Variants in SCAF11 observed in about 807,000 individuals in gnomAD.
SCAF11 encodes the protein protein SCAF11.
A neutral mutation model predicts 140.5 loss-of-function variants in SCAF11; 47 were observed. That is an observed-to-expected ratio of 0.33 (90% CI 0.26 to 0.43). The LOEUF (loss-of-function observed/expected upper bound fraction) is 0.43, where lower values mean the gene tolerates loss of function less well. Among genes scored for constraint, SCAF11 ranks in the 20% least tolerant of loss-of-function variants. The probability of loss-of-function intolerance (pLI) is 1.00; values close to 1 mark genes in which losing one functional copy is unlikely to be tolerated. For missense variants in SCAF11, 1,645 were observed against 1,705.1 expected (o/e 0.96, Z 0.62); for synonymous variants, 557 against 579.4 (o/e 0.96, Z 0.55).
intron 3 of SCAF11, among the ~76,000 whole-genome samples, chr12:45,959,549 GGAA>G (rs1307773644): frequency 2.6e-5 from 4 of 152,160 alleles, no homozygotes; most frequent in Non-Finnish European, 4.4e-5. Flanking sequence ...GCTTTTAGAT[GGAA>G]GAAGACTGAG....
At chr12:45,966,909 TA>T (rs1448147865) in intron 1 of SCAF11, among the ~76,000 whole-genome samples, 7 of 152,228 alleles carry the variant, frequency 4.6e-5, no homozygotes, top group Admixed American at 2.6e-4. Flanking sequence ...AGGTTGGAGT[TA>T]ACTCAATGTG....
In SCAF11 at chr12:45,927,912, C is replaced by A. The variant is rs1355515079; in HGVS notation, c.1789G>T (p.Asp597Tyr). The A allele has an allele frequency of 4.3e-6, 7 of 1,612,434 alleles. No homozygotes were observed. The East Asian group carries it at 1.6e-4, about 36-fold the overall frequency. Residue 597 changes from aspartate to tyrosine, a missense_variant, in exon 11 of 15, where the codon GAT becomes TAT. By Grantham distance (160) the Asp-to-Tyr change is radical. Transcript: ENST00000369367. ...AGCTCCTCTGTTTTTAGTGTAAAAT[C>A]TTTATGTTCAGTAATTTCTACTAGG... ...SSLVEITEHK[D>Y]FTLKTEELIE...
upstream of SCAF11, chr12:45,990,765 T>C (rs139549576): frequency 4.7e-3 from 931 of 198,450 alleles, 2 homozygotes; most frequent in Non-Finnish European, 6.7e-3. Flanking sequence ...AGGGGGGCGC[T>C]GGCAAACTGC....
chr12:45,956,749 A>T (rs1199923297), intron 3 of SCAF11, among the ~76,000 whole-genome samples: 1 of 152,244 alleles, frequency 6.6e-6, no homozygotes, highest in African/African-American at 2.4e-5. Flanking sequence ...TATCTAGTGT[A>T]AAAACAAGAA....
At chr12:45,932,737 T>C (rs114631126) in intron 9 of SCAF11, among the ~76,000 whole-genome samples, 15 of 152,220 alleles carry the variant, frequency 9.9e-5, no homozygotes, top group African/African-American at 2.4e-4. Flanking sequence ...CTTGATCAAA[T>C]AGTTATTTAG....
chr12:45,924,947 G>A lies in SCAF11; in HGVS notation c.3687C>T (p.Phe1229=). The change falls in exon 12 of 15, where the codon TTC becomes TTT. Residue 1229 remains phenylalanine, a synonymous_variant. Transcript: ENST00000369367. ...MNAQHQPMNI[F]PYPVGVHAPL... ...GAGCATGAACACCCACTGGATATGG[G>A]AAGATATTCATAGGCTGGTGTTGTG... The A allele has an allele frequency of 6.2e-7, 1 of 1,614,162 alleles. No homozygotes were observed. Among genetic ancestry groups the A allele is most frequent in the South Asian group, 1.1e-5 (1 of 91,076 alleles).
In SCAF11 at chr12:45,921,036, G is replaced by A. The variant is rs1258866217; in HGVS notation, c.*1012C>T. The A allele has an allele frequency of 6.6e-6, 1 of 151,922 alleles. No homozygotes were observed. The highest frequency in any genetic ancestry group is 1.5e-5 in the Non-Finnish European group (1 of 68,008). The allele number at this position is 151,922 out of a possible 1,614,324, so 9.4% of individuals were successfully genotyped here. Reference sequence around the variant, plus strand: ...TTGCTCCTGTTGCCCAGGCTGGAGTGCAATGGCATGGTCTCGGCTCACTGC... The same window carrying A: ...TTGCTCCTGTTGCCCAGGCTGGAGTACAATGGCATGGTCTCGGCTCACTGC... On this transcript the variant is annotated 3_prime_UTR_variant, in exon 15 of 15. Transcript: ENST00000369367.
In SCAF11 at chr12:45,927,129, C is replaced by T; in HGVS notation, c.2572G>A (p.Glu858Lys). ...SQSPKKDIAR[E>K]RRQSQSRSPK... Reference sequence around the variant, plus strand: ...GACCGAGACTGAGATTGCCTCCTTTCTCTTGCAATATCCTTTTTTGGGGAC... The same window carrying T: ...GACCGAGACTGAGATTGCCTCCTTTTTCTTGCAATATCCTTTTTTGGGGAC... Residue 858 changes from glutamate (E) to lysine (K), a missense_variant, in exon 11 of 15, where the codon GAA (glutamate) becomes AAA (lysine). Physicochemically the swap from Glu to Lys is moderately conservative, Grantham distance 56. Coordinates refer to ENST00000369367, the MANE Select transcript of SCAF11 (RefSeq NM_004719.3). 2 of 1,614,126 alleles carry T rather than the reference C, an allele frequency of 1.2e-6. No homozygotes were observed. The highest frequency in any genetic ancestry group is 2.2e-5 in the South Asian group (2 of 91,080).
intron 1 of SCAF11, among the ~76,000 whole-genome samples, chr12:45,984,386 A>C (rs1946416151): frequency 6.6e-6 from 1 of 152,026 alleles, no homozygotes; most frequent in Non-Finnish European, 1.5e-5. Flanking sequence ...ACACTATTTG[A>C]CAGTAATTAT....
intron 9 of SCAF11, among the ~76,000 whole-genome samples, chr12:45,932,040 C>CATAT (rs146979342): frequency 2.7e-5 from 4 of 148,940 alleles, no homozygotes; most frequent in African/African-American, 7.4e-5. Flanking sequence ...AAAGTGTGTG[C>CATAT]ATATATATAT....
Position 45,921,815 on chromosome 12 carries a change from A to C in SCAF11, c.*233T>G, listed in dbSNP as rs1944721000. 2.1e-6 allele frequency: 1 copy of C among 484,652 alleles called. No individual in the cohort carries two copies. Among genetic ancestry groups the C allele is most frequent in the African/African-American group, 1.9e-5 (1 of 51,322 alleles). 30.0% of individuals were successfully genotyped at this position (484,652 alleles called of 1,614,324 possible). A position where few individuals can be genotyped will look rare whatever the true frequency, so the allele number is the denominator to read the frequency against. ...CCTAGTAAAGATGCACATTCCTTTA[A>C]ACCCTTTACTTTCCCTTGAATTTTG... On this transcript the variant is annotated 3_prime_UTR_variant, in exon 15 of 15. Coordinates refer to ENST00000369367, the MANE Select transcript of SCAF11 (RefSeq NM_004719.3).
chr12:45,965,996 CCAAT>C (rs1448336031), intron 1 of SCAF11, among the ~76,000 whole-genome samples: 1 of 152,108 alleles, frequency 6.6e-6, no homozygotes, highest in Non-Finnish European at 1.5e-5. Flanking sequence ...TTTTTTTAAT[CCAAT>C]CAATCTGACA....
intron 1 of SCAF11, among the ~76,000 whole-genome samples, chr12:45,988,933 GGAT>G (rs1389009955): frequency 6.6e-6 from 1 of 152,180 alleles, no homozygotes; most frequent in Admixed American, 6.5e-5. Context: ...TTATCCGATA[GGAT>G]AATATAAAAC....
chr12:45,928,595 C>A lies in SCAF11; in HGVS notation c.1106G>T (p.Arg369Ile), dbSNP rs748054782. ...TACAGACTTCCGTTTTGGAGCCTGT[C>A]TTGTTTGCTTTTCTGACTCAGCTGA... Reference protein sequence around the residue: ...PSSAESEKQTRQAPKRKSVRR... With the variant: ...PSSAESEKQTIQAPKRKSVRR... The change falls in exon 11 of 15, where the codon AGA (arginine) becomes ATA (isoleucine). Residue 369 changes from arginine to isoleucine, a missense_variant. By Grantham distance (97) the Arg-to-Ile change is moderately conservative (BLOSUM62 -3). Around this residue, in one of 2 missense-constraint regions of SCAF11, gnomAD observed 1,582 missense variants for 1,609.2 expected, o/e 0.98. Coordinates refer to ENST00000369367, the MANE Select transcript of SCAF11 (RefSeq NM_004719.3). 2 of 1,614,052 alleles carry A rather than the reference C, an allele frequency of 1.2e-6. No individual in the cohort carries two copies. The highest frequency in any genetic ancestry group is 1.7e-6 in the Non-Finnish European group (2 of 1,179,990).
intron 6 of SCAF11, 66 bp from the exon 7 acceptor site, chr12:45,934,571 G>A (rs1470082366): frequency 1.0e-5 from 11 of 1,051,162 alleles, no homozygotes; most frequent in Admixed American, 2.7e-5. Flanking sequence ...CTGTAAACCA[G>A]CATCGATACC....
chr12:45,989,443 G>C (rs1946538068), intron 1 of SCAF11, among the ~76,000 whole-genome samples: 1 of 152,154 alleles, frequency 6.6e-6, no homozygotes, highest in Non-Finnish European at 1.5e-5. Context: ...ACAGTCAGCT[G>C]GTAGACACTG....
intron 9 of SCAF11, among the ~76,000 whole-genome samples, 172 bp downstream of exon 9, chr12:45,932,959 G>A (rs2136525553): frequency 6.6e-6 from 1 of 152,112 alleles, no homozygotes; most frequent in Non-Finnish European, 1.5e-5. Flanking sequence ...TACTTTCTAA[G>A]GGGTCCTTTA....
chr12:45,936,266 T>C (rs1472664952), intron 6 of SCAF11, among the ~76,000 whole-genome samples: 1 of 151,842 alleles, frequency 6.6e-6, no homozygotes, highest in African/African-American at 2.4e-5. Context: ...CTCGGCCTCC[T>C]GAGCAGCTGG....
chr12:45,963,726 C>G (rs1294581679), intron 2 of SCAF11, among the ~76,000 whole-genome samples: 1 of 152,104 alleles, frequency 6.6e-6, no homozygotes, highest in Admixed American at 6.6e-5. Context: ...TTAGGATGAT[C>G]AGAGTTAAAG....
Sources: gnomAD v4.1 joint callset for allele counts (sites outside exome capture counted in the v4.1 genomes callset) on GRCh38, gnomAD v4.1.1 for gene constraint, gnomAD v4.1.1 regional missense constraint, MANE v1.5 for transcripts, NCBI Gene and HGNC (gene_info 2026-07-23, HGNC 2026-07-21) for gene names.